Variants in BABAM2 observed in about 807,000 individuals in gnomAD.
BABAM2 encodes BRISC and BRCA1 A complex member 2, also known as BRISC and BRCA1-A complex member 2.
In BABAM2, 31 loss-of-function variants were observed where a neutral mutation model predicts 54.7. The observed-to-expected ratio is 0.57, with a 90% CI of 0.43 to 0.77. The LOEUF is 0.77. Among genes scored for constraint, BABAM2 ranks in the 30% least tolerant of loss-of-function variants. The pLI, the probability that BABAM2 is intolerant of heterozygous loss-of-function variation, is 0.00. For synonymous variants in BABAM2, 167 were observed against 162.9 expected (o/e 1.03, Z -0.19); for missense variants, 364 against 455.8 (o/e 0.80, Z 1.83).
chr2:28,248,235 G>GTT (rs1683090049), intron 10 of BABAM2, among the ~76,000 whole-genome samples: 1 of 13,708 alleles, frequency 7.3e-5, no homozygotes, highest in African/African-American at 1.7e-4. Context: ...TTGAGACGGA[G>GTT]TTTTGCTCTT....
At chr2:28,118,043 G>A (rs1668756677) in intron 6 of BABAM2, among the ~76,000 whole-genome samples, 2 of 152,114 alleles carry the variant, frequency 1.3e-5, no homozygotes, top group East Asian at 1.9e-4. Flanking sequence ...AAACTTGTTG[G>A]GCTCTTGGAT....
intron 10 of BABAM2, among the ~76,000 whole-genome samples, chr2:28,294,335 G>A (rs1296609628): frequency 1.3e-5 from 2 of 149,944 alleles, no homozygotes; most frequent in Non-Finnish European, 3.0e-5. Context: ...AGCCGAGATC[G>A]CACCACTGCC....
At chr2:28,112,142 T>A (rs538351748) in intron 6 of BABAM2, among the ~76,000 whole-genome samples, 2 of 13,576 alleles carry the variant, frequency 1.5e-4, no homozygotes, top group African/African-American at 7.1e-4. Context: ...TCTTTCTTTC[T>A]TTCTTTACCT....
intron 3 of BABAM2, among the ~76,000 whole-genome samples, chr2:27,986,063 A>G (rs1672376638): frequency 6.6e-6 from 1 of 152,140 alleles, no homozygotes; most frequent in Non-Finnish European, 1.5e-5. Context: ...ATTTGATGTC[A>G]TAGTATTTGG....
chr2:28,095,014 A>C (rs1666486154), intron 6 of BABAM2, among the ~76,000 whole-genome samples: 1 of 150,818 alleles, frequency 6.6e-6, no homozygotes, highest in African/African-American at 2.4e-5. Context: ...GTCTTTGGCT[A>C]TCATAAACAG....
At chr2:28,161,685 C>T (rs1009964742) in intron 7 of BABAM2, among the ~76,000 whole-genome samples, 7 of 152,096 alleles carry the variant, frequency 4.6e-5, no homozygotes, top group African/African-American at 1.2e-4. Flanking sequence ...CAAAAGGGAG[C>T]GCAAATGGGT....
chr2:27,890,252 C>G, upstream of BABAM2: 1 of 1,613,404 alleles, frequency 6.2e-7, no homozygotes, highest in Non-Finnish European at 8.5e-7. This position sits in a 1 kb window ranked among gnomAD's most constrained non-coding sequence, Gnocchi z 4.8. Flanking sequence ...TGGCCCCGGA[C>G]TAACCTGACC....
At chr2:28,191,486 A>G (rs1676899331) in intron 7 of BABAM2, among the ~76,000 whole-genome samples, 1 of 152,210 alleles carries the variant, frequency 6.6e-6, no homozygotes, top group East Asian at 1.9e-4. Context: ...GGTGGAAACA[A>G]CCCAAATGTC....
chr2:28,157,195 T>C (rs1245464383), intron 7 of BABAM2, among the ~76,000 whole-genome samples: 3 of 152,202 alleles, frequency 2.0e-5, no homozygotes, highest in African/African-American at 2.4e-5. Context: ...AAAGTATCAT[T>C]ATCTTCAACA....
chr2:28,042,502 G>T (rs958448957), intron 5 of BABAM2, among the ~76,000 whole-genome samples: 6 of 152,192 alleles, frequency 3.9e-5, no homozygotes, highest in African/African-American at 1.2e-4. Context: ...GATCAGCTGT[G>T]TCAAATGCTG....
At chr2:28,261,846 A>G (rs537257360) in intron 10 of BABAM2, among the ~76,000 whole-genome samples, 21 of 129,890 alleles carry the variant, frequency 1.6e-4, no homozygotes, top group Admixed American at 7.6e-4. Flanking sequence ...TTATTCATTT[A>G]TATATTGATT....
At chr2:28,285,833 T>A (rs1686748000) in intron 10 of BABAM2, among the ~76,000 whole-genome samples, 2 of 151,996 alleles carry the variant, frequency 1.3e-5, no homozygotes, top group South Asian at 4.2e-4. Context: ...GCTCCCAAAG[T>A]GCTAGGATTA....
chr2:27,901,415 C>G (rs924490429), intron 2 of BABAM2, among the ~76,000 whole-genome samples: 2 of 152,210 alleles, frequency 1.3e-5, no homozygotes, highest in Non-Finnish European at 2.9e-5. Context: ...CTCAACCTCA[C>G]TGGCACATGG....
intron 7 of BABAM2, chr2:28,134,320 G>A (rs1014980586): frequency 1.3e-5 from 2 of 151,840 alleles, no homozygotes; most frequent in African/African-American, 2.4e-5. Flanking sequence ...TGGCAGAAAA[G>A]CTGTGAGTTT....
intron 7 of BABAM2, among the ~76,000 whole-genome samples, chr2:28,190,654 T>C (rs927864023): frequency 6.6e-6 from 1 of 152,050 alleles, no homozygotes; most frequent in Non-Finnish European, 1.5e-5. Flanking sequence ...GCCATTGCAC[T>C]CCAGCCTGGG....
At chr2:28,035,674 A>C (rs1676611851) in intron 5 of BABAM2, among the ~76,000 whole-genome samples, 2 of 152,162 alleles carry the variant, frequency 1.3e-5, no homozygotes, top group Admixed American at 6.5e-5. Context: ...TTGTCTTTGT[A>C]ATGGAATTTG....
At chr2:27,890,080 A>C (rs1664690908), upstream of BABAM2, 12 of 587,984 alleles carry the variant, frequency 2.0e-5, 1 homozygote, top group South Asian at 2.5e-4. The surrounding 1 kb of genome is among the most constrained non-coding windows in gnomAD (Gnocchi z 4.8). Flanking sequence ...ACCTTTATAT[A>C]CTCAAGTTCT....
At chr2:27,991,761 T>C (rs1672792813) in intron 4 of BABAM2, among the ~76,000 whole-genome samples, 1 of 152,242 alleles carries the variant, frequency 6.6e-6, no homozygotes, top group African/African-American at 2.4e-5. Context: ...CGTGTGCATA[T>C]ACTGCATTTT....
intron 7 of BABAM2, among the ~76,000 whole-genome samples, chr2:28,139,063 T>C (rs1164394908): frequency 2.6e-5 from 4 of 152,064 alleles, no homozygotes; most frequent in African/African-American, 7.2e-5. Flanking sequence ...ACCCAAGCCA[T>C]AGGTAGTGGG....
Sources: allele counts gnomAD v4.1 joint callset (sites outside exome capture counted in the v4.1 genomes callset), GRCh38; gene constraint gnomAD v4.1.1; non-coding constraint Gnocchi (gnomAD v3.1); transcripts MANE v1.5; gene names NCBI Gene and HGNC (gene_info 2026-07-23, HGNC 2026-07-21).